Variants in AGBL4 observed in about 807,000 individuals in gnomAD.
AGBL4 encodes the protein AGBL carboxypeptidase 4.
A neutral mutation model predicts 66.4 loss-of-function variants in AGBL4; 58 were observed. The ratio of observed to expected loss-of-function variants is 0.87; its 90% CI spans 0.71 to 1.09. The LOEUF (loss-of-function observed/expected upper bound fraction) is 1.09, where lower values mean the gene tolerates loss of function less well. Among genes scored for constraint, AGBL4 ranks in the 50% least tolerant of loss-of-function variants. AGBL4 has a pLI of 0.00. For missense variants in AGBL4, 579 were observed against 631.0 expected, an observed-to-expected ratio of 0.92 and a Z score of 0.88; for synonymous variants, 234 against 222.9, an observed-to-expected ratio of 1.05 and a Z score of -0.44.
At chr1:48,558,516 C>T (rs1285020964) in intron 11 of AGBL4, among the ~76,000 whole-genome samples, 6 of 152,204 alleles carry the variant, frequency 3.9e-5, no homozygotes, top group African/African-American at 1.4e-4. Flanking sequence ...TGATATACCT[C>T]TTTCCACAGT....
chr1:48,742,304 T>C (rs1200534129), intron 6 of AGBL4, among the ~76,000 whole-genome samples: 1 of 152,168 alleles, frequency 6.6e-6, no homozygotes, highest in Admixed American at 6.5e-5. Context: ...GTGGGACAAG[T>C]TTCATCAAAC....
rs938091956 is a variant in AGBL4 at position 49,265,739 on chromosome 1, C to A, written c.283-19875G>T. On this transcript the variant is annotated intron_variant, in intron 3 of 13. Coordinates refer to ENST00000371839, the MANE Select transcript of AGBL4 (RefSeq NM_032785.4). Reference sequence around the variant, plus strand: ...TGTATATAATGTACATATATACGTACATGAACCTATACAACTATATACATT... The same window carrying A: ...TGTATATAATGTACATATATACGTAAATGAACCTATACAACTATATACATT... Among the ~76,000 whole-genome samples the A allele has an allele frequency of 5.3e-4, 80 of 152,060 alleles. 1 individual carries two copies. Among genetic ancestry groups the A allele is most frequent in the African/African-American group, 1.9e-3 (78 of 41,388 alleles).
intron 3 of AGBL4, among the ~76,000 whole-genome samples, chr1:49,510,453 G>C (rs1460126015): frequency 3.3e-5 from 5 of 149,728 alleles, no homozygotes; most frequent in East Asian, 2.0e-4. Flanking sequence ...TTGTAAATTT[G>C]TTTGAGTTCA....
chr1:49,944,516 T>TAC (rs1655043478), intron 1 of AGBL4, among the ~76,000 whole-genome samples: 1 of 151,580 alleles, frequency 6.6e-6, no homozygotes, highest in South Asian at 2.1e-4. Context: ...ATGGGAAGAG[T>TAC]ACCACATCAA....
At chr1:49,216,447 C>T (rs1333953753) in intron 4 of AGBL4, among the ~76,000 whole-genome samples, 1 of 152,062 alleles carries the variant, frequency 6.6e-6, no homozygotes, top group African/African-American at 2.4e-5. Flanking sequence ...TCTACTGTTG[C>T]CATCTTTATG....
chr1:49,004,912 G>A (rs181021746), intron 5 of AGBL4, among the ~76,000 whole-genome samples: 5 of 152,290 alleles, frequency 3.3e-5, no homozygotes, highest in Admixed American at 6.5e-5. Context: ...GCCTGGTGAC[G>A]TTAGAGGGAA....
At chr1:49,374,598 C>A (rs1644433497) in intron 3 of AGBL4, among the ~76,000 whole-genome samples, 1 of 152,124 alleles carries the variant, frequency 6.6e-6, no homozygotes, top group South Asian at 2.1e-4. Flanking sequence ...AAGACTGAGT[C>A]AAATGTAGTG....
At chr1:48,892,405 A>G (rs1401581182) in intron 5 of AGBL4, among the ~76,000 whole-genome samples, 1 of 152,168 alleles carries the variant, frequency 6.6e-6, no homozygotes, top group Non-Finnish European at 1.5e-5. Context: ...GGTTGAGGAC[A>G]CATGCCTAGG....
chr1:49,188,740 C>G (rs1647060074), intron 4 of AGBL4, among the ~76,000 whole-genome samples: 1 of 152,124 alleles, frequency 6.6e-6, no homozygotes. Flanking sequence ...AATACTGATT[C>G]CCACTCCCCA....
At chr1:49,901,238 G>C (rs74771725) in intron 1 of AGBL4, among the ~76,000 whole-genome samples, 2 of 152,304 alleles carry the variant, frequency 1.3e-5, no homozygotes, top group South Asian at 2.1e-4. Context: ...AATAGGAAGA[G>C]AGGAAGTCAA....
chr1:49,582,019 G>T (rs1219015249), intron 3 of AGBL4, among the ~76,000 whole-genome samples: 2 of 152,126 alleles, frequency 1.3e-5, no homozygotes, highest in African/African-American at 4.8e-5. Flanking sequence ...CCAGCAGGTG[G>T]CACTTGCAGG....
At chr1:48,931,758 T>C (rs1655054186) in intron 5 of AGBL4, among the ~76,000 whole-genome samples, 1 of 152,180 alleles carries the variant, frequency 6.6e-6, no homozygotes, top group South Asian at 2.1e-4. Flanking sequence ...ATCTGCCAGC[T>C]TCGGCTTCCT....
At chr1:49,039,544 C>A (rs1664942270) in intron 5 of AGBL4, among the ~76,000 whole-genome samples, 1 of 152,070 alleles carries the variant, frequency 6.6e-6, no homozygotes, top group African/African-American at 2.4e-5. Flanking sequence ...AAACAACAAA[C>A]AAACTGAGCA....
chr1:49,811,944 C>T (rs1055634141), intron 2 of AGBL4, among the ~76,000 whole-genome samples: 1 of 152,148 alleles, frequency 6.6e-6, no homozygotes, highest in Non-Finnish European at 1.5e-5. Flanking sequence ...CTTCTCCCTA[C>T]GTCATGTTGC....
intron 2 of AGBL4, chr1:49,846,191 A>T: frequency 6.9e-7 from 1 of 1,459,014 alleles, no homozygotes; most frequent in Non-Finnish European, 9.6e-7. Flanking sequence ...CTTCAACCAC[A>T]GCTCCTCACT....
intron 1 of AGBL4, among the ~76,000 whole-genome samples, chr1:49,989,121 A>G (rs1208085007): frequency 2.0e-5 from 3 of 152,208 alleles, no homozygotes; most frequent in Non-Finnish European, 4.4e-5. Flanking sequence ...CAAATCCTCA[A>G]TCAAAACTAG....
At chr1:48,850,543 T>C (rs544899630) in intron 6 of AGBL4, among the ~76,000 whole-genome samples, 2 of 152,188 alleles carry the variant, frequency 1.3e-5, no homozygotes, top group Non-Finnish European at 2.9e-5. Flanking sequence ...TTTTTGTTTT[T>C]AGCCTAGGTC....
chr1:49,681,786 A>G (rs2124562827), intron 3 of AGBL4, among the ~76,000 whole-genome samples: 1 of 152,234 alleles, frequency 6.6e-6, no homozygotes, highest in African/African-American at 2.4e-5. Flanking sequence ...CTATATACAA[A>G]CTTCTGTGAG....
intron 1 of AGBL4, among the ~76,000 whole-genome samples, chr1:49,929,987 A>C (rs900672817): frequency 1.3e-5 from 2 of 152,186 alleles, no homozygotes; most frequent in African/African-American, 2.4e-5. Context: ...TAAAAGTTAT[A>C]CTTAATAAAC....
Sources: allele counts gnomAD v4.1 joint callset (sites outside exome capture counted in the v4.1 genomes callset), GRCh38; gene constraint gnomAD v4.1.1; transcripts MANE v1.5; gene names NCBI Gene and HGNC (gene_info 2026-07-23, HGNC 2026-07-21).